Variants in RNF217 observed in about 807,000 individuals in gnomAD.
RNF217 encodes E3 ubiquitin-protein ligase RNF217.
RNF217 carries 31 observed loss-of-function variants against 57.8 expected under a neutral mutation model. The ratio of observed to expected loss-of-function variants is 0.54; its 90% CI spans 0.40 to 0.72. The LOEUF (loss-of-function observed/expected upper bound fraction) is 0.72. Ranked by LOEUF, RNF217 falls within the 30% of genes least tolerant of loss-of-function variation. The probability of loss-of-function intolerance (pLI) is 0.00; values close to 1 mark genes in which losing one functional copy is unlikely to be tolerated. For synonymous variants in RNF217, 313 were observed against 294.0 expected (o/e 1.06, Z -0.66); for missense variants, 696 against 708.3 (o/e 0.98, Z 0.20).
At chr6:125,004,827 T>C (rs995499572) in intron 1 of RNF217, among the ~76,000 whole-genome samples, 3 of 152,212 alleles carry the variant, frequency 2.0e-5, no homozygotes, top group East Asian at 1.9e-4. Flanking sequence ...TTTTCAGTAG[T>C]TGACAAAAGG....
chr6:124,971,769 T>C (rs1783772316), intron 1 of RNF217, among the ~76,000 whole-genome samples: 1 of 152,224 alleles, frequency 6.6e-6, no homozygotes, highest in Non-Finnish European at 1.5e-5. Flanking sequence ...ACTGTTAAGT[T>C]TTAATGGCAA....
intron 4 of RNF217, among the ~76,000 whole-genome samples, chr6:125,077,133 G>A (rs972695794): frequency 6.6e-6 from 1 of 152,092 alleles, no homozygotes; most frequent in Admixed American, 6.6e-5. Flanking sequence ...CTGAAACCCT[G>A]TCGTAAGCCA....
At chr6:125,076,623 T>A in intron 3 of RNF217, 34 bp from the exon 4 acceptor site, 1 of 1,513,826 alleles carries the variant, frequency 6.6e-7, no homozygotes, top group Non-Finnish European at 9.2e-7. Context: ...CTCAGCTAAC[T>A]CTTTCCTTCT....
chr6:125,011,664 CAA>C (rs1785420089), intron 1 of RNF217, among the ~76,000 whole-genome samples: 1 of 152,030 alleles, frequency 6.6e-6, no homozygotes, highest in East Asian at 1.9e-4. Context: ...TATGAGAGAG[CAA>C]GGAGTGTCAG....
intron 1 of RNF217, among the ~76,000 whole-genome samples, chr6:124,983,962 C>T (rs776224636): frequency 9.2e-5 from 14 of 152,082 alleles, no homozygotes; most frequent in Admixed American, 4.6e-4. Context: ...TGCATCCTCA[C>T]GTGACAGAAG....
rs536977824 is a variant in RNF217 at position 124,987,019 on chromosome 6, A to G, written c.882+23593A>G. Among the ~76,000 whole-genome samples the G allele has an allele frequency of 1.3e-3, 204 of 152,302 alleles. 1 individual carries two copies. Among genetic ancestry groups the G allele is most frequent in the African/African-American group, 4.5e-3 (189 of 41,566 alleles). ...TCATATTTAAAACATCTTTTCACAC[A>G]TACAGGTTTTGCCGAATATAGATAT... On this transcript the variant is annotated intron_variant, in intron 1 of 5. Transcript: ENST00000521654.
chr6:125,070,052 T>C (rs1788080125), intron 3 of RNF217, among the ~76,000 whole-genome samples: 1 of 152,144 alleles, frequency 6.6e-6, no homozygotes, highest in South Asian at 2.1e-4. Context: ...ATCATCTTTA[T>C]ACCTTTGCAT....
At chr6:125,045,137 T>C in intron 1 of RNF217, 74 bp from the exon 2 acceptor site, 1 of 890,316 alleles carries the variant, frequency 1.1e-6, no homozygotes, top group Non-Finnish European at 1.8e-6. Flanking sequence ...TAAGTAATAC[T>C]GTATACAAAA....
In RNF217 at chr6:125,045,218, T is replaced by A. The variant is rs1190060674; in HGVS notation, c.890T>A (p.Leu297His). Reference protein sequence around the residue: ...LKVYLSAQVQLGQVEIKCPIT... With the variant: ...LKVYLSAQVQHGQVEIKCPIT... ...TGCTCTTCCATCATGCAGGTACAAC[T>A]TGGCCAAGTAGAAATCAAATGCCCC... The change falls in exon 2 of 6, where the codon CTT becomes CAT. Residue 297 changes from leucine (L) to histidine (H), a missense_variant. Leu to His is a moderately conservative substitution (Grantham distance 99). Transcript: ENST00000521654. 6.2e-7 allele frequency: 1 copy of A among 1,611,454 alleles called. No homozygotes were observed. The highest frequency in any genetic ancestry group is 2.2e-5 in the East Asian group (1 of 44,784).
At chr6:125,062,512 C>T (rs1177202563) in intron 3 of RNF217, among the ~76,000 whole-genome samples, 1 of 151,986 alleles carries the variant, frequency 6.6e-6, no homozygotes, top group Non-Finnish European at 1.5e-5. Flanking sequence ...CATAACCCAC[C>T]ACATTAAGGT....
intron 1 of RNF217, among the ~76,000 whole-genome samples, chr6:125,039,558 G>C (rs1244047664): frequency 2.0e-5 from 3 of 152,074 alleles, no homozygotes; most frequent in Admixed American, 1.3e-4. Flanking sequence ...AAATTAACAA[G>C]GACATTGAGG....
At chr6:125,076,902 G>T (rs749833285) in intron 4 of RNF217, 44 bp downstream of exon 4, 1 of 1,540,526 alleles carries the variant, frequency 6.5e-7, no homozygotes, top group Admixed American at 1.7e-5. Flanking sequence ...TGGGAATTAA[G>T]TAGTGAAAAT....
At chr6:125,015,955 T>TA (rs1326736632) in intron 1 of RNF217, among the ~76,000 whole-genome samples, 1 of 152,114 alleles carries the variant, frequency 6.6e-6, no homozygotes, top group Non-Finnish European at 1.5e-5. Context: ...AAGTAGATCT[T>TA]AAAAAATGTG....
At chr6:125,010,219 C>T (rs1408131370) in intron 1 of RNF217, among the ~76,000 whole-genome samples, 1 of 152,150 alleles carries the variant, frequency 6.6e-6, no homozygotes, top group East Asian at 1.9e-4. Flanking sequence ...GGTGCAGATA[C>T]TGGGCTGCTC....
intron 1 of RNF217, among the ~76,000 whole-genome samples, chr6:125,026,702 G>C (rs180862274): frequency 1.3e-5 from 2 of 152,184 alleles, no homozygotes; most frequent in East Asian, 3.9e-4. Flanking sequence ...TTTTTAGGTA[G>C]GGAAGGTTGC....
chr6:124,977,815 GA>G (rs1007429896), intron 1 of RNF217, among the ~76,000 whole-genome samples: 1 of 152,116 alleles, frequency 6.6e-6, no homozygotes, highest in African/African-American at 2.4e-5. Flanking sequence ...CACCTCTTCT[GA>G]AAAAACAAAT....
At chr6:125,082,574 T>C in intron 5 of RNF217, 9 of 1,609,244 alleles carry the variant, frequency 5.6e-6, no homozygotes, top group Non-Finnish European at 7.6e-6. Context: ...GTGAGTATCA[T>C]AGTGTGCAAA....
At chr6:125,073,488 C>CT (rs1256225792) in intron 3 of RNF217, among the ~76,000 whole-genome samples, 1 of 152,158 alleles carries the variant, frequency 6.6e-6, no homozygotes, top group African/African-American at 2.4e-5. Context: ...ACAGGCCTTG[C>CT]AAAACCTGGA....
chr6:125,069,453 G>A (rs1788058875), intron 3 of RNF217, among the ~76,000 whole-genome samples: 1 of 152,074 alleles, frequency 6.6e-6, no homozygotes, highest in Non-Finnish European at 1.5e-5. Flanking sequence ...CTTGAATTCA[G>A]CTGCATTCAT....
Sources: gnomAD v4.1 joint callset for allele counts (sites outside exome capture counted in the v4.1 genomes callset) on GRCh38, gnomAD v4.1.1 for gene constraint, MANE v1.5 for transcripts, NCBI Gene and HGNC (gene_info 2026-07-23, HGNC 2026-07-21) for gene names.